KIAA0825: variants seen among roughly 807,000 people sequenced by gnomAD.
KIAA0825 encodes KIAA0825.
KIAA0825 carries 119 observed loss-of-function variants against 147.6 expected under a neutral mutation model. The observed-to-expected ratio is 0.81, with a 90% CI of 0.69 to 0.94. The LOEUF (loss-of-function observed/expected upper bound fraction) is 0.94, where lower values mean the gene tolerates loss of function less well. KIAA0825 is among the 40% of genes least tolerant of loss of function. The pLI is 0.00. For synonymous variants in KIAA0825, 470 were observed against 518.1 expected (o/e 0.91, Z 1.26); for missense variants, 1,381 against 1,472.7 (o/e 0.94, Z 1.02).
chr5:94,187,186 G>A (rs1270316717), intron 20 of KIAA0825, among the ~76,000 whole-genome samples: 1 of 152,000 alleles, frequency 6.6e-6, no homozygotes, highest in African/African-American at 2.4e-5. Flanking sequence ...ACTGGGGCTG[G>A]GGGCTAGGGA....
At chr5:94,349,073 C>T (rs1783334366) in intron 20 of KIAA0825, among the ~76,000 whole-genome samples, 1 of 151,848 alleles carries the variant, frequency 6.6e-6, no homozygotes, top group African/African-American at 2.4e-5. Context: ...CACATAAGGA[C>T]TCACATAAAC....
chr5:94,282,432 C>T (rs2150156061), intron 20 of KIAA0825, among the ~76,000 whole-genome samples: 1 of 152,116 alleles, frequency 6.6e-6, no homozygotes, highest in African/African-American at 2.4e-5. Context: ...TTAAAACTCA[C>T]ATTGGATTGG....
At chr5:94,261,230 C>T (rs1288889215) in intron 20 of KIAA0825, among the ~76,000 whole-genome samples, 3 of 152,004 alleles carry the variant, frequency 2.0e-5, no homozygotes, top group Non-Finnish European at 4.4e-5. Context: ...TTAAGCCCCA[C>T]AGGTCAAGGC....
chr5:94,265,732 C>T (rs370254977), intron 20 of KIAA0825, among the ~76,000 whole-genome samples: 8 of 152,164 alleles, frequency 5.3e-5, no homozygotes, highest in East Asian at 1.9e-4. Context: ...ACCCGGGAGG[C>T]GGAGGTTGCA....
intron 2 of KIAA0825, among the ~76,000 whole-genome samples, chr5:94,574,050 G>A: frequency 6.6e-6 from 1 of 152,224 alleles, no homozygotes; most frequent in East Asian, 1.9e-4. Context: ...TAGCAGTCCT[G>A]CAGCAGGGAG....
intron 20 of KIAA0825, among the ~76,000 whole-genome samples, chr5:94,352,027 C>T (rs538864451): frequency 3.9e-5 from 6 of 152,282 alleles, no homozygotes; most frequent in Admixed American, 1.3e-4. Context: ...GCAAGGATTT[C>T]ATGATCAAGA....
chr5:94,578,523 TTC>T (rs1781475478), intron 2 of KIAA0825, among the ~76,000 whole-genome samples: 1 of 152,206 alleles, frequency 6.6e-6, no homozygotes, highest in African/African-American at 2.4e-5. Context: ...TATGTTTTTT[TTC>T]TGTTCTTTAT....
intron 20 of KIAA0825, among the ~76,000 whole-genome samples, chr5:94,253,094 A>G (rs1421378411): frequency 2.0e-5 from 3 of 152,152 alleles, no homozygotes; most frequent in Non-Finnish European, 4.4e-5. Flanking sequence ...AAACAAAAAC[A>G]GAATACAGCA....
intron 2 of KIAA0825, chr5:94,570,566 G>C (rs1325712461): frequency 6.6e-6 from 1 of 152,238 alleles, no homozygotes; most frequent in Non-Finnish European, 1.5e-5. Context: ...AGGACAACCA[G>C]TGAACTACCC....
chr5:94,516,083 T>C (rs1175050423), intron 5 of KIAA0825, among the ~76,000 whole-genome samples: 2 of 152,078 alleles, frequency 1.3e-5, no homozygotes, highest in Non-Finnish European at 2.9e-5. Context: ...AAACTGAATA[T>C]AAAGTAGAAA....
chr5:94,608,220 C>T (rs1787858656), intron 1 of KIAA0825, among the ~76,000 whole-genome samples: 1 of 150,040 alleles, frequency 6.7e-6, no homozygotes, highest in Non-Finnish European at 1.5e-5. Context: ...TTGCTTATGT[C>T]TTCGATAGGA....
chr5:94,419,660 G>C (rs1470756703), intron 14 of KIAA0825, among the ~76,000 whole-genome samples: 2 of 152,138 alleles, frequency 1.3e-5, no homozygotes, highest in Non-Finnish European at 2.9e-5. Flanking sequence ...CTATGTGTCA[G>C]TCATTGTACC....
chr5:94,326,922 G>A (rs953440952), intron 20 of KIAA0825, among the ~76,000 whole-genome samples: 6 of 152,154 alleles, frequency 3.9e-5, no homozygotes, highest in African/African-American at 1.4e-4. Context: ...GAGATGTGGT[G>A]ACATCATGAC....
At chr5:94,351,075 C>T (rs1783614426) in intron 20 of KIAA0825, among the ~76,000 whole-genome samples, 1 of 151,920 alleles carries the variant, frequency 6.6e-6, no homozygotes, top group African/African-American at 2.4e-5. Flanking sequence ...CAGAGCAATC[C>T]AGACAAGAGA....
chr5:94,329,263 A>G (rs1386085215), intron 20 of KIAA0825, among the ~76,000 whole-genome samples: 2 of 152,142 alleles, frequency 1.3e-5, no homozygotes, highest in African/African-American at 4.8e-5. Context: ...AAGCGATCCA[A>G]CATAAGCATA....
chr5:94,319,738 C>T (rs961242306), intron 20 of KIAA0825, among the ~76,000 whole-genome samples: 1 of 151,984 alleles, frequency 6.6e-6, no homozygotes, highest in Non-Finnish European at 1.5e-5. Flanking sequence ...CTAATTCCAA[C>T]TTTTCTATTT....
At chr5:94,428,859 T>C (rs907858495) in intron 14 of KIAA0825, among the ~76,000 whole-genome samples, 1 of 152,172 alleles carries the variant, frequency 6.6e-6, no homozygotes, top group African/African-American at 2.4e-5. Context: ...TCACTTTACA[T>C]AGTACCATAT....
At chr5:94,157,311 G>T (rs907224466) in intron 20 of KIAA0825, among the ~76,000 whole-genome samples, 1 of 152,106 alleles carries the variant, frequency 6.6e-6, no homozygotes, top group Non-Finnish European at 1.5e-5. Context: ...ACTATGCTGT[G>T]TCTTACACAC....
At chr5:94,262,599 T>G (rs540839656) in intron 20 of KIAA0825, among the ~76,000 whole-genome samples, 60 of 152,272 alleles carry the variant, frequency 3.9e-4, no homozygotes, top group Non-Finnish European at 7.2e-4. Context: ...AGGAAGTGGT[T>G]AAAAAAGAGT....
Sources: gnomAD v4.1 joint callset for allele counts (sites outside exome capture counted in the v4.1 genomes callset) on GRCh38, gnomAD v4.1.1 for gene constraint, MANE v1.5 for transcripts, NCBI Gene and HGNC (gene_info 2026-07-23, HGNC 2026-07-21) for gene names.